The following SYN3 variants were observed in gnomAD, a reference collection of about 807,000 sequenced individuals.
SYN3 encodes synapsin-3.
In SYN3, 35 loss-of-function variants were observed where a neutral mutation model predicts 65.8. The observed-to-expected ratio is 0.53, with a 90% CI of 0.41 to 0.70. The LOEUF (loss-of-function observed/expected upper bound fraction) is 0.70. Ranked by LOEUF, SYN3 falls within the 30% of genes least tolerant of loss-of-function variation. The probability of loss-of-function intolerance (pLI) is 0.00; values close to 1 mark genes in which losing one functional copy is unlikely to be tolerated. For missense variants in SYN3, 680 were observed against 749.0 expected (o/e 0.91, Z 1.08); for synonymous variants, 270 against 292.9 (o/e 0.92, Z 0.80).
At chr22:32,908,965 C>G (rs781543598) in intron 4 of SYN3, among the ~76,000 whole-genome samples, 2 of 152,208 alleles carry the variant, frequency 1.3e-5, no homozygotes, top group Non-Finnish European at 2.9e-5. Context: ...AAAGACTGGA[C>G]ATTCCCAAGT....
intron 6 of SYN3, among the ~76,000 whole-genome samples, chr22:32,728,787 G>C (rs1284296308): frequency 6.6e-6 from 1 of 152,228 alleles, no homozygotes; most frequent in Non-Finnish European, 1.5e-5. Flanking sequence ...CTAAGAGATA[G>C]AGGAGTTGAA....
chr22:32,544,040 G>T (rs896025031), intron 7 of SYN3, among the ~76,000 whole-genome samples: 3 of 152,214 alleles, frequency 2.0e-5, no homozygotes, highest in Non-Finnish European at 4.4e-5. Context: ...CTGAGCTCAA[G>T]CAATTCTCCT....
chr22:32,538,142 T>G, intron 8 of SYN3, 32 bp from the exon 9 acceptor site: 15 of 1,594,040 alleles, frequency 9.4e-6, no homozygotes, highest in Non-Finnish European at 1.2e-5. Flanking sequence ...ATTGAGGGAA[T>G]TAGGGACCCT....
intron 6 of SYN3, among the ~76,000 whole-genome samples, chr22:32,833,001 G>A (rs1426153520): frequency 2.0e-5 from 3 of 152,068 alleles, no homozygotes; most frequent in East Asian, 1.9e-4. Flanking sequence ...CCGAAGTCCT[G>A]GGATTACAGG....
chr22:32,566,814 G>A (rs1354466918), intron 7 of SYN3, among the ~76,000 whole-genome samples: 1 of 152,188 alleles, frequency 6.6e-6, no homozygotes, highest in Non-Finnish European at 1.5e-5. Flanking sequence ...ACATTCTTTA[G>A]TGTTGAAAGA....
chr22:32,805,203 C>G, intron 6 of SYN3, among the ~76,000 whole-genome samples: 1 of 152,160 alleles, frequency 6.6e-6, no homozygotes, highest in South Asian at 2.1e-4. Context: ...GGGCCTGCCT[C>G]TGAGCCTGTT....
intron 6 of SYN3, chr22:32,861,351 G>A (rs1014251117): frequency 3.9e-5 from 6 of 152,072 alleles, no homozygotes; most frequent in African/African-American, 1.5e-4. Context: ...TTGGCAGGGG[G>A]AGAATGGGAG....
chr22:32,590,026 A>C (rs185703530), intron 7 of SYN3, among the ~76,000 whole-genome samples: 288 of 152,306 alleles, frequency 1.9e-3, no homozygotes, highest in African/African-American at 6.5e-3. Context: ...ACAACTATGA[A>C]GAAGGGCAAA....
intron 7 of SYN3, among the ~76,000 whole-genome samples, chr22:32,570,588 AG>A (rs1383405378): frequency 7.0e-6 from 1 of 142,638 alleles, no homozygotes; most frequent in African/African-American, 2.6e-5. Flanking sequence ...AGGGAGGGAG[AG>A]GGTGGGGTGC....
At chr22:32,966,643 G>A (rs1344801816) in intron 3 of SYN3, among the ~76,000 whole-genome samples, 2 of 152,156 alleles carry the variant, frequency 1.3e-5, no homozygotes, top group East Asian at 1.9e-4. Context: ...GGCAGGGCAT[G>A]GTGGCTCACA....
chr22:32,553,493 T>G (rs1019664001), intron 7 of SYN3, among the ~76,000 whole-genome samples: 1 of 152,164 alleles, frequency 6.6e-6, no homozygotes, highest in Non-Finnish European at 1.5e-5. Context: ...AATATAATAA[T>G]GTAAGGTGAT....
intron 2 of SYN3, among the ~76,000 whole-genome samples, chr22:32,991,745 G>C (rs1220533362): frequency 6.6e-6 from 1 of 152,138 alleles, no homozygotes; most frequent in Non-Finnish European, 1.5e-5. Context: ...TCTGAAGATG[G>C]CAATTAGCTT....
chr22:32,782,540 C>T (rs1451300406), intron 6 of SYN3, among the ~76,000 whole-genome samples: 1 of 134,348 alleles, frequency 7.4e-6, no homozygotes. Flanking sequence ...TTTTTTGAGA[C>T]AGAGTCTCGT....
In SYN3 at chr22:32,660,399, GAC is replaced by G. The variant is rs371109363; in HGVS notation, c.712-63665_712-63664del. 1.2e-3 allele frequency among the ~76,000 whole-genome samples: 184 copies of G among 152,294 alleles called. 1 individual carries two copies. The East Asian group carries it at 0.029, about 24-fold the overall frequency. On this transcript the variant is annotated intron_variant, in intron 6 of 13. Transcript: ENST00000358763. Reference sequence around the variant, plus strand: ...CCAGGTGCAGCAAAGTTGCGAAATGGACACGGCTCCGTGTGCCCACCAGATGG... The same window carrying G: ...CCAGGTGCAGCAAAGTTGCGAAATGGACGGCTCCGTGTGCCCACCAGATGG...
At chr22:33,028,679 G>GTGGTGGTGGTGGTGGTGA (rs2053687497) in intron 1 of SYN3, among the ~76,000 whole-genome samples, 2 of 100,846 alleles carry the variant, frequency 2.0e-5, no homozygotes, top group East Asian at 2.2e-4. Flanking sequence ...GGTGGTGGTG[G>GTGGTGGTGGTGGTGGTGA]TGGTGGTGGT....
chr22:32,689,166 T>C (rs1482096727), intron 6 of SYN3, among the ~76,000 whole-genome samples: 1 of 152,200 alleles, frequency 6.6e-6, no homozygotes, highest in Non-Finnish European at 1.5e-5. Context: ...AGGGAGCATC[T>C]CTGCGGAGAT....
At chr22:32,816,012 C>A (rs2047080133) in intron 6 of SYN3, among the ~76,000 whole-genome samples, 1 of 152,144 alleles carries the variant, frequency 6.6e-6, no homozygotes, top group Non-Finnish European at 1.5e-5. Context: ...AGGTTTTTGA[C>A]CCCAGCACTG....
At chr22:32,997,889 T>C (rs2052930712) in intron 2 of SYN3, among the ~76,000 whole-genome samples, 1 of 151,884 alleles carries the variant, frequency 6.6e-6, no homozygotes, top group Admixed American at 6.6e-5. Flanking sequence ...TAGCTGGGCA[T>C]GGTGGTGGGC....
chr22:32,965,946 G>A lies in SYN3; in HGVS notation c.369+14699C>T, dbSNP rs1430409443. Among the ~76,000 whole-genome samples, 4 of 152,106 alleles carry A rather than the reference G, an allele frequency of 2.6e-5. 1 individual carries two copies. Among genetic ancestry groups the A allele is most frequent in the South Asian group, 4.1e-4 (2 of 4,822 alleles). ...CCTGACCTTGTGATCTGCCCGCCTTGGCCTCCCAAAGTGCTGGGATTACAG... is the reference window on the plus strand; with the variant it reads ...CCTGACCTTGTGATCTGCCCGCCTTAGCCTCCCAAAGTGCTGGGATTACAG... On this transcript the variant is annotated intron_variant, in intron 3 of 13. Transcript: ENST00000358763.
Sources: gnomAD v4.1 joint callset for allele counts (sites outside exome capture counted in the v4.1 genomes callset) on GRCh38, gnomAD v4.1.1 for gene constraint, MANE v1.5 for transcripts, NCBI Gene and HGNC (gene_info 2026-07-23, HGNC 2026-07-21) for gene names.